The following CNTNAP2 variants were observed in gnomAD, a reference collection of about 807,000 sequenced individuals.
CNTNAP2 encodes contactin associated protein 2, also known as contactin-associated protein-like 2.
Under a neutral mutation model 155.2 loss-of-function variants are expected in CNTNAP2, and 98 were observed. The ratio of observed to expected loss-of-function variants is 0.63; its 90% confidence interval spans 0.54 to 0.75. CNTNAP2 has a LOEUF of 0.75. CNTNAP2 is among the 30% of genes least tolerant of loss of function. CNTNAP2 has a pLI of 0.00. For missense variants in CNTNAP2, 1,727 were observed against 1,688.1 expected (o/e 1.02, Z -0.40); for synonymous variants, 651 against 631.2 (o/e 1.03, Z -0.47).
rs557739482 is a variant in CNTNAP2, at chr7:147,369,111, C to G, written c.1499-26498C>G. On this transcript the variant is annotated intron_variant, in intron 9 of 23. Transcript: ENST00000361727. ...GGAGACTTTGAATACTTTCTAACCA[C>G]GTTAAATACTTTATAACCAGGTTAT... 3.3e-5 allele frequency among the ~76,000 whole-genome samples: 5 copies of G among 152,280 alleles called. 1 individual carries two copies. In the South Asian group the frequency reaches 1.0e-3, roughly 32 times the overall value.
At chr7:147,703,245 T>A (rs1387692476) in intron 13 of CNTNAP2, among the ~76,000 whole-genome samples, 1 of 152,110 alleles carries the variant, frequency 6.6e-6, no homozygotes, top group African/African-American at 2.4e-5. Context: ...AACTGACAAC[T>A]AAAGCAAGTG....
At chr7:148,396,048 C>G (rs1799460608) in intron 22 of CNTNAP2, among the ~76,000 whole-genome samples, 1 of 152,148 alleles carries the variant, frequency 6.6e-6, no homozygotes. Context: ...CTCAAAGGTG[C>G]ATTTTCCTGG....
intron 12 of CNTNAP2, among the ~76,000 whole-genome samples, chr7:147,625,845 G>GA (rs1265524555): frequency 6.6e-6 from 1 of 152,156 alleles, no homozygotes; most frequent in African/African-American, 2.4e-5. Flanking sequence ...GTGAGAGAAG[G>GA]AAAACCTGCC....
intron 13 of CNTNAP2, among the ~76,000 whole-genome samples, chr7:147,756,771 C>T (rs555109463): frequency 2.0e-4 from 30 of 152,238 alleles, no homozygotes; most frequent in African/African-American, 7.2e-4. Flanking sequence ...AGAAATTAAC[C>T]TTTCAGGGCA....
intron 13 of CNTNAP2, among the ~76,000 whole-genome samples, chr7:147,662,958 GA>G (rs1386727177): frequency 1.3e-5 from 2 of 152,114 alleles, no homozygotes; most frequent in African/African-American, 4.8e-5. Context: ...TTTAGAGCGT[GA>G]TTTTTTTTGT....
intron 1 of CNTNAP2, among the ~76,000 whole-genome samples, chr7:146,397,052 G>C (rs1004009321): frequency 8.6e-5 from 13 of 151,972 alleles, no homozygotes; most frequent in Non-Finnish European, 1.8e-4. Flanking sequence ...CCTTTAAACT[G>C]TATTTGACCT....
At chr7:146,757,729 A>G (rs185046559) in intron 1 of CNTNAP2, among the ~76,000 whole-genome samples, 44 of 152,302 alleles carry the variant, frequency 2.9e-4, no homozygotes, top group East Asian at 2.1e-3. Context: ...TAGTACAGTG[A>G]TTTCCATGAG....
intron 21 of CNTNAP2, among the ~76,000 whole-genome samples, chr7:148,276,574 G>A (rs1245403485): frequency 1.3e-5 from 2 of 152,232 alleles, no homozygotes; most frequent in Non-Finnish European, 1.5e-5. Context: ...ACAGCGAATC[G>A]CAGTCAGTGG....
At chr7:146,306,363 A>G (rs1314163597) in intron 1 of CNTNAP2, among the ~76,000 whole-genome samples, 4 of 152,192 alleles carry the variant, frequency 2.6e-5, no homozygotes, top group Admixed American at 6.5e-5. Flanking sequence ...TCCAATCAAT[A>G]GAAAAAGAGG....
At chr7:148,270,297 A>T (rs935249786) in intron 21 of CNTNAP2, among the ~76,000 whole-genome samples, 1 of 152,226 alleles carries the variant, frequency 6.6e-6, no homozygotes, top group Admixed American at 6.5e-5. Flanking sequence ...TTTTTTGTAC[A>T]CCCAAGAAAA....
intron 1 of CNTNAP2, among the ~76,000 whole-genome samples, chr7:146,601,429 C>A (rs193061928): frequency 6.6e-4 from 100 of 152,150 alleles, no homozygotes; most frequent in Non-Finnish European, 1.3e-3. Flanking sequence ...CCTTAAAATT[C>A]TACTGCTTAC....
intron 1 of CNTNAP2, among the ~76,000 whole-genome samples, chr7:146,386,535 C>T (rs1377024951): frequency 2.0e-5 from 3 of 152,034 alleles, no homozygotes; most frequent in African/African-American, 7.2e-5. Context: ...ATTACAGGCG[C>T]CTGCCACCAT....
chr7:146,203,330 C>A (rs146709507), intron 1 of CNTNAP2, among the ~76,000 whole-genome samples: 246 of 152,336 alleles, frequency 1.6e-3, no homozygotes, highest in African/African-American at 5.8e-3. Flanking sequence ...AGCTACAAAT[C>A]ATTCCTACAA....
intron 12 of CNTNAP2, among the ~76,000 whole-genome samples, chr7:147,588,060 G>A (rs1244543391): frequency 1.3e-5 from 2 of 152,024 alleles, no homozygotes; most frequent in Non-Finnish European, 2.9e-5. Flanking sequence ...TAATACTAAT[G>A]TAGAAAAAGC....
intron 10 of CNTNAP2, among the ~76,000 whole-genome samples, chr7:147,435,548 C>T (rs1384651117): frequency 6.6e-6 from 1 of 152,210 alleles, no homozygotes; most frequent in African/African-American, 2.4e-5. Context: ...ATGTTTGTGA[C>T]TTAGCAAGGC....
chr7:147,268,151 T>A (rs1194259613), intron 8 of CNTNAP2, among the ~76,000 whole-genome samples: 1 of 152,224 alleles, frequency 6.6e-6, no homozygotes, highest in Non-Finnish European at 1.5e-5. Context: ...TTTAATGCTA[T>A]GAGATTAGAA....
At chr7:148,169,264 C>T (rs1002408465) in intron 17 of CNTNAP2, among the ~76,000 whole-genome samples, 15 of 152,222 alleles carry the variant, frequency 9.9e-5, no homozygotes, top group African/African-American at 3.6e-4. Flanking sequence ...TTGCCCCCGT[C>T]GAGCAGACTG....
intron 1 of CNTNAP2, among the ~76,000 whole-genome samples, chr7:146,686,403 A>C (rs1800600657): frequency 6.6e-6 from 1 of 152,254 alleles, no homozygotes; most frequent in South Asian, 2.1e-4. Flanking sequence ...TTCCATGGCT[A>C]CTTCCGAAAT....
chr7:146,466,474 T>C (rs1796719300), intron 1 of CNTNAP2, among the ~76,000 whole-genome samples: 1 of 152,230 alleles, frequency 6.6e-6, no homozygotes. Context: ...TGGTTAACTG[T>C]TAAATTTTAC....
Sources: allele counts gnomAD v4.1 joint callset (sites outside exome capture counted in the v4.1 genomes callset), GRCh38; gene constraint gnomAD v4.1.1; transcripts MANE v1.5; gene names NCBI Gene and HGNC (gene_info 2026-07-23, HGNC 2026-07-21).